CTNNA2: variants seen among roughly 807,000 people sequenced by gnomAD.
The protein encoded by CTNNA2 is catenin alpha-2.
A neutral mutation model predicts 101.0 loss-of-function variants in CTNNA2; 42 were observed. That is an observed-to-expected ratio of 0.42 (90% CI 0.32 to 0.54). The LOEUF (loss-of-function observed/expected upper bound fraction) is 0.54. Among genes scored for constraint, CTNNA2 ranks in the 20% least tolerant of loss-of-function variants. The pLI is 0.14. For missense variants in CTNNA2, 871 were observed against 1,223.1 expected (o/e 0.71, Z 4.29); for synonymous variants, 450 against 456.4 (o/e 0.99, Z 0.18).
At chr2:79,383,060 T>C (rs947881821) in intron 4 of CTNNA2, among the ~76,000 whole-genome samples, 8 of 152,212 alleles carry the variant, frequency 5.3e-5, no homozygotes, top group Non-Finnish European at 1.2e-4. Context: ...GTCAATAGTG[T>C]ATGAGTTTTT....
chr2:80,602,594 T>C (rs1055273421), intron 15 of CTNNA2, among the ~76,000 whole-genome samples: 4 of 152,206 alleles, frequency 2.6e-5, no homozygotes, highest in Middle Eastern at 3.4e-3. Context: ...TTATTAAACA[T>C]TGACAGATTC....
At chr2:79,671,360 C>T (rs932227933) in intron 2 of CTNNA2, among the ~76,000 whole-genome samples, 9 of 152,192 alleles carry the variant, frequency 5.9e-5, no homozygotes, top group South Asian at 2.1e-4. Context: ...CTTCAAGTTC[C>T]TGAGTACTTT....
intron 8 of CTNNA2, among the ~76,000 whole-genome samples, chr2:80,413,769 G>A (rs1316765639): frequency 6.6e-6 from 1 of 152,170 alleles, no homozygotes; most frequent in Non-Finnish European, 1.5e-5. Context: ...GGCAGAACAT[G>A]TCAGTAATCA....
intron 4 of CTNNA2, among the ~76,000 whole-genome samples, chr2:79,479,122 GT>G (rs1354937298): frequency 1.3e-5 from 2 of 152,100 alleles, no homozygotes; most frequent in African/African-American, 4.8e-5. Flanking sequence ...TTTTATTGAT[GT>G]TACCATCTTC....
At chr2:80,482,443 A>G (rs1686223361) in intron 9 of CTNNA2, among the ~76,000 whole-genome samples, 1 of 152,186 alleles carries the variant, frequency 6.6e-6, no homozygotes, top group South Asian at 2.1e-4. Flanking sequence ...TTTAGGCGTT[A>G]TGAGACGGAC....
At chr2:79,303,484 T>G (rs995494115) in intron 2 of CTNNA2, among the ~76,000 whole-genome samples, 13 of 152,108 alleles carry the variant, frequency 8.5e-5, no homozygotes, top group Non-Finnish European at 1.8e-4. Context: ...AAGCGTGTCT[T>G]TCAGGGTGCA....
intron 3 of CTNNA2, among the ~76,000 whole-genome samples, chr2:79,811,593 A>G (rs144819065): frequency 4.5e-4 from 68 of 152,266 alleles, no homozygotes; most frequent in African/African-American, 1.6e-3. Flanking sequence ...ATATGTCCAT[A>G]CCTTTGCCAA....
chr2:79,347,861 A>C (rs560271592), intron 3 of CTNNA2, among the ~76,000 whole-genome samples: 1 of 151,464 alleles, frequency 6.6e-6, no homozygotes, highest in African/African-American at 2.4e-5. Context: ...TAGTGACCAA[A>C]CAGTCCCACA....
intron 1 of CTNNA2, among the ~76,000 whole-genome samples, chr2:79,196,985 A>T (rs951899657): frequency 3.3e-5 from 5 of 152,186 alleles, no homozygotes; most frequent in African/African-American, 1.2e-4. Flanking sequence ...ATTCTTTCTC[A>T]TATCCTTGCA....
intron 7 of CTNNA2, among the ~76,000 whole-genome samples, chr2:79,926,900 A>G (rs1687057009): frequency 1.3e-5 from 2 of 152,098 alleles, no homozygotes; most frequent in Non-Finnish European, 2.9e-5. Flanking sequence ...ATATCAAGAT[A>G]GAAATAGGTA....
intron 3 of CTNNA2, among the ~76,000 whole-genome samples, chr2:79,836,190 G>A (rs1200007234): frequency 6.6e-6 from 1 of 152,062 alleles, no homozygotes; most frequent in Non-Finnish European, 1.5e-5. Flanking sequence ...CACCACACAG[G>A]GAGGCTGCTT....
At chr2:79,299,939 A>AT (rs1676071969) in intron 2 of CTNNA2, among the ~76,000 whole-genome samples, 1 of 152,236 alleles carries the variant, frequency 6.6e-6, no homozygotes, top group Admixed American at 6.5e-5. Flanking sequence ...AGATTTACAG[A>AT]AAAATTGAAT....
intron 6 of CTNNA2, among the ~76,000 whole-genome samples, chr2:79,886,943 C>T (rs1050118069): frequency 3.3e-5 from 5 of 151,484 alleles, no homozygotes; most frequent in African/African-American, 4.8e-5. Flanking sequence ...CTCAGCCTCC[C>T]GAGTAGCTAG....
At chr2:80,467,238 G>T (rs1045733816) in intron 9 of CTNNA2, among the ~76,000 whole-genome samples, 35 of 152,034 alleles carry the variant, frequency 2.3e-4, no homozygotes, top group African/African-American at 8.2e-4. Flanking sequence ...CATCCTTCAT[G>T]CACAAAGACA....
intron 3 of CTNNA2, among the ~76,000 whole-genome samples, chr2:79,760,824 C>T (rs899253226): frequency 1.3e-5 from 2 of 152,092 alleles, no homozygotes; most frequent in African/African-American, 2.4e-5. Context: ...GAAATAGTTG[C>T]CTCTTGGTGC....
At chr2:79,654,026 G>T (rs1405110458) in intron 2 of CTNNA2, among the ~76,000 whole-genome samples, 1 of 152,042 alleles carries the variant, frequency 6.6e-6, no homozygotes, top group African/African-American at 2.4e-5. Context: ...TGGCAACTTA[G>T]ATACTCCCCA....
chr2:79,669,132 T>G (rs1271560246), intron 2 of CTNNA2, among the ~76,000 whole-genome samples: 1 of 152,214 alleles, frequency 6.6e-6, no homozygotes, highest in Non-Finnish European at 1.5e-5. Flanking sequence ...ATTTTAACTT[T>G]TCTTAGATAT....
intron 3 of CTNNA2, among the ~76,000 whole-genome samples, chr2:79,821,832 C>G (rs1334497659): frequency 6.6e-6 from 1 of 152,148 alleles, no homozygotes; most frequent in African/African-American, 2.4e-5. Flanking sequence ...GTACCTACTA[C>G]ACTACATTAG....
chr2:79,867,457 C>T (rs1317883728), intron 4 of CTNNA2, among the ~76,000 whole-genome samples: 1 of 151,960 alleles, frequency 6.6e-6, no homozygotes, highest in Non-Finnish European at 1.5e-5. Context: ...GCCCATAATC[C>T]AGACTTTAGT....
Sources: allele counts gnomAD v4.1 joint callset (sites outside exome capture counted in the v4.1 genomes callset), GRCh38; gene constraint gnomAD v4.1.1; transcripts MANE v1.5; gene names NCBI Gene and HGNC (gene_info 2026-07-23, HGNC 2026-07-21).